The following MDGA2 variants were observed in gnomAD, a reference collection of about 807,000 sequenced individuals.
MDGA2 encodes the protein MAM domain-containing glycosylphosphatidylinositol anchor protein 2.
Under a neutral mutation model 117.8 loss-of-function variants are expected in MDGA2, and 40 were observed. The ratio of observed to expected loss-of-function variants is 0.34; its 90% CI spans 0.26 to 0.44. MDGA2 has a LOEUF of 0.44. MDGA2 is among the 20% of genes least tolerant of loss of function. The probability of loss-of-function intolerance (pLI) is 1.00; values close to 1 mark genes in which losing one functional copy is unlikely to be tolerated. For missense variants in MDGA2, 1,123 were observed against 1,250.6 expected, an observed-to-expected ratio of 0.90 and a Z score of 1.54; for synonymous variants, 452 against 439.0, an observed-to-expected ratio of 1.03 and a Z score of -0.37.
At chr14:47,540,175 G>T (rs955285362) in intron 1 of MDGA2, among the ~76,000 whole-genome samples, 1 of 151,994 alleles carries the variant, frequency 6.6e-6, no homozygotes, top group Non-Finnish European at 1.5e-5. Flanking sequence ...CACCTCGCCC[G>T]GCTAATTTTT....
chr14:47,588,261 TACACAC>T lies in MDGA2; in HGVS notation c.280+86250_280+86255del, dbSNP rs67717725. Among the ~76,000 whole-genome samples, 873 of 103,114 alleles carry T rather than the reference TACACAC, an allele frequency of 8.5e-3. 17 individuals are homozygous for T. The highest frequency in any genetic ancestry group is 0.016 in the African/African-American group (484 of 29,536). The allele number at this position is 103,114 out of a possible 152,430, so 67.6% of individuals were successfully genotyped here. On this transcript the variant is annotated intron_variant, in intron 1 of 16. Transcript: ENST00000399232. ...AGATATATATATATATATATATATA[TACACAC>T]ACACACACACACACACACACAAATT...
rs114796601 is a variant in MDGA2, at chr14:46,848,938, G to A, written c.2884-3067C>T. On this transcript the variant is annotated intron_variant, in intron 15 of 16. Coordinates refer to ENST00000399232, the MANE Select transcript of MDGA2 (RefSeq NM_001113498.3). ...GAATATTTCACCCCTTGGTGATACCGAATGAATGAAGTGGTACAGTAAAAA... is the reference window on the plus strand; with the variant it reads ...GAATATTTCACCCCTTGGTGATACCAAATGAATGAAGTGGTACAGTAAAAA... 1.8e-4 allele frequency among the ~76,000 whole-genome samples: 27 copies of A among 152,038 alleles called. No homozygotes were observed. The East Asian group carries it at 4.8e-3, about 27-fold the overall frequency.
chr14:46,949,630 A>G (rs1885297808), intron 9 of MDGA2, among the ~76,000 whole-genome samples: 1 of 151,940 alleles, frequency 6.6e-6, no homozygotes, highest in African/African-American at 2.4e-5. Flanking sequence ...TTTCTGAGTG[A>G]TTTCACTTAG....
At chr14:46,972,311 CA>C (rs1456893045) in intron 8 of MDGA2, among the ~76,000 whole-genome samples, 1 of 151,974 alleles carries the variant, frequency 6.6e-6, no homozygotes, top group Admixed American at 6.6e-5. Flanking sequence ...AAAGAACTGC[CA>C]ATCAAGTTTT....
chr14:46,923,445 C>T (rs1595046942), intron 9 of MDGA2, among the ~76,000 whole-genome samples: 1 of 151,832 alleles, frequency 6.6e-6, no homozygotes, highest in East Asian at 1.9e-4. Flanking sequence ...ACAATAAGAT[C>T]CGTTACTTTT....
At chr14:47,250,433 T>C (rs1887406739) in intron 2 of MDGA2, among the ~76,000 whole-genome samples, 1 of 152,246 alleles carries the variant, frequency 6.6e-6, no homozygotes, top group African/African-American at 2.4e-5. Flanking sequence ...TGAATGTGTA[T>C]GTACCCACAA....
intron 3 of MDGA2, among the ~76,000 whole-genome samples, chr14:47,212,236 T>C (rs1465522382): frequency 6.6e-6 from 1 of 152,182 alleles, no homozygotes; most frequent in Non-Finnish European, 1.5e-5. Flanking sequence ...TTTAGTCAAC[T>C]TTATTTGGTG....
At chr14:47,613,501 A>G (rs1320601986) in intron 1 of MDGA2, among the ~76,000 whole-genome samples, 2 of 151,730 alleles carry the variant, frequency 1.3e-5, no homozygotes, top group East Asian at 1.9e-4. Context: ...ACACACACAC[A>G]CACACGCACA....
chr14:47,466,908 G>T (rs2138605482), intron 1 of MDGA2, among the ~76,000 whole-genome samples: 1 of 151,994 alleles, frequency 6.6e-6, no homozygotes, highest in East Asian at 1.9e-4. Context: ...ACTTTACCGG[G>T]CACAATGTAA....
At chr14:47,264,329 A>C (rs1887894715) in intron 2 of MDGA2, among the ~76,000 whole-genome samples, 1 of 152,156 alleles carries the variant, frequency 6.6e-6, no homozygotes, top group South Asian at 2.1e-4. Context: ...AACTACTAAA[A>C]TTCATAATTA....
chr14:46,948,078 C>T (rs904884184), intron 9 of MDGA2, among the ~76,000 whole-genome samples: 9 of 152,068 alleles, frequency 5.9e-5, no homozygotes, highest in Non-Finnish European at 1.2e-4. Context: ...TTTATATCAA[C>T]TGTTACATTT....
At chr14:47,560,263 G>C (rs4900783) in intron 1 of MDGA2, among the ~76,000 whole-genome samples, 94,200 of 151,600 alleles carry the variant, frequency 0.62, 30,376 homozygotes, top group East Asian at 0.98. Flanking sequence ...AGTAGAAACG[G>C]GGTTTCACCG....
intron 3 of MDGA2, among the ~76,000 whole-genome samples, chr14:47,211,159 C>A (rs146314688): frequency 6.6e-6 from 1 of 152,078 alleles, no homozygotes; most frequent in African/African-American, 2.4e-5. Flanking sequence ...AACCCACCAT[C>A]GTAACCACTA....
intron 1 of MDGA2, among the ~76,000 whole-genome samples, chr14:47,347,821 C>G (rs79734209): frequency 0.036 from 5,520 of 151,980 alleles, 240 homozygotes; most frequent in East Asian, 0.14. Flanking sequence ...ACAAATTCCA[C>G]AAAAATGACT....
chr14:47,420,807 TAAAG>T (rs1288478468), intron 1 of MDGA2, among the ~76,000 whole-genome samples: 4 of 147,144 alleles, frequency 2.7e-5, no homozygotes, highest in African/African-American at 1.0e-4. Flanking sequence ...AAGAAAGCAA[TAAAG>T]AGAGAGAAAA....
At chr14:47,632,843 T>TC (rs1289841168) in intron 1 of MDGA2, among the ~76,000 whole-genome samples, 1 of 152,152 alleles carries the variant, frequency 6.6e-6, no homozygotes, top group Non-Finnish European at 1.5e-5. Flanking sequence ...AAGTTTTTTT[T>TC]CAACAATAAA....
At position 46,918,715 on chromosome 14, in the gene MDGA2, A is replaced by G. The variant is rs556710664; in HGVS notation, c.2238+1297T>C. Reference sequence around the variant, plus strand: ...TAGGAAAAGCTCTTTCACTTTTTTGAGAATCTTAAACAGGGTGAATAAGAA... The same window carrying G: ...TAGGAAAAGCTCTTTCACTTTTTTGGGAATCTTAAACAGGGTGAATAAGAA... On this transcript the variant is annotated intron_variant, in intron 10 of 16. Transcript: ENST00000399232. Among the ~76,000 whole-genome samples the G allele has an allele frequency of 2.6e-5, 4 of 151,348 alleles. No homozygotes were observed. The South Asian group carries it at 6.3e-4, about 24-fold the overall frequency.
chr14:47,395,294 A>G (rs1287666404), intron 1 of MDGA2, among the ~76,000 whole-genome samples: 1 of 152,200 alleles, frequency 6.6e-6, no homozygotes, highest in Non-Finnish European at 1.5e-5. Flanking sequence ...ACACTTTCAA[A>G]GTTTATACCA....
At chr14:47,424,710 C>T (rs541913199) in intron 1 of MDGA2, among the ~76,000 whole-genome samples, 1 of 152,236 alleles carries the variant, frequency 6.6e-6, no homozygotes, top group South Asian at 2.1e-4. Context: ...TACACAGGAG[C>T]AATACATATC....
Sources: allele counts gnomAD v4.1 joint callset (sites outside exome capture counted in the v4.1 genomes callset), GRCh38; gene constraint gnomAD v4.1.1; transcripts MANE v1.5; gene names NCBI Gene and HGNC (gene_info 2026-07-23, HGNC 2026-07-21).